DOCK3: variants seen among roughly 807,000 people sequenced by gnomAD.
DOCK3 encodes the protein dedicator of cytokinesis protein 3.
A neutral mutation model predicts 265.6 loss-of-function variants in DOCK3; 60 were observed. The ratio of observed to expected loss-of-function variants is 0.23; its 90% CI spans 0.18 to 0.28. DOCK3 has a LOEUF of 0.28. Among genes scored for constraint, DOCK3 ranks in the 10% least tolerant of loss-of-function variants. DOCK3 has a pLI of 1.00. For missense variants in DOCK3, 1,981 were observed against 2,594.3 expected (o/e 0.76, Z 5.14); for synonymous variants, 881 against 938.0 (o/e 0.94, Z 1.11).
At chr3:50,692,889 C>A (rs1000963043) in intron 1 of DOCK3, among the ~76,000 whole-genome samples, 1 of 151,988 alleles carries the variant, frequency 6.6e-6, no homozygotes, top group Non-Finnish European at 1.5e-5. Flanking sequence ...AGGCTTTGAT[C>A]CATTTTGAGT....
At chr3:50,875,944 C>T (rs897405572) in intron 3 of DOCK3, among the ~76,000 whole-genome samples, 7 of 151,276 alleles carry the variant, frequency 4.6e-5, no homozygotes, top group Non-Finnish European at 7.4e-5. Context: ...ATATATTGAA[C>T]AAGAACAGAG....
At chr3:50,960,008 A>G (rs963657792) in intron 5 of DOCK3, among the ~76,000 whole-genome samples, 3 of 152,218 alleles carry the variant, frequency 2.0e-5, no homozygotes, top group East Asian at 1.9e-4. Context: ...TTTACTTAGC[A>G]TAATGTTTTT....
intron 4 of DOCK3, among the ~76,000 whole-genome samples, chr3:50,914,334 T>A (rs1453326659): frequency 6.6e-6 from 1 of 152,104 alleles, no homozygotes; most frequent in East Asian, 1.9e-4. Context: ...TTGGCATTGA[T>A]TTCTATAAAC....
chr3:50,841,744 T>TTTTTTTTTTTTTTTTTTGAGACGG, intron 3 of DOCK3, 29 bp downstream of exon 3: 2 of 520,334 alleles, frequency 3.8e-6, no homozygotes, highest in Non-Finnish European at 6.2e-6. Flanking sequence ...TTACCTTTTC[T>TTTTTTTTTTTTTTTTTTGAGACGG]AATGTAGGAA....
intron 4 of DOCK3, among the ~76,000 whole-genome samples, chr3:50,910,341 C>G (rs1397380768): frequency 1.3e-5 from 2 of 152,062 alleles, no homozygotes; most frequent in South Asian, 4.1e-4. Flanking sequence ...TCCTTACACT[C>G]TAGGCAGTGC....
At chr3:51,163,089 A>G (rs2086213917) in intron 12 of DOCK3, among the ~76,000 whole-genome samples, 1 of 152,212 alleles carries the variant, frequency 6.6e-6, no homozygotes, top group Non-Finnish European at 1.5e-5. Flanking sequence ...ATTTTCCAGT[A>G]AGTTTCAGGC....
At chr3:51,238,769 T>G (rs2078461821) in intron 21 of DOCK3, among the ~76,000 whole-genome samples, 1 of 152,188 alleles carries the variant, frequency 6.6e-6, no homozygotes, top group Non-Finnish European at 1.5e-5. Flanking sequence ...TTCATCCATG[T>G]TTCTGCAAAA....
At chr3:51,168,571 C>G (rs1047282810) in intron 12 of DOCK3, among the ~76,000 whole-genome samples, 3 of 152,168 alleles carry the variant, frequency 2.0e-5, no homozygotes, top group African/African-American at 7.2e-5. Flanking sequence ...CCCTTCCTTA[C>G]ACCATATACA....
In DOCK3 at chr3:50,955,374, C is replaced by T. The variant is rs139060725; in HGVS notation, c.315+21297C>T. 1.6e-3 allele frequency among the ~76,000 whole-genome samples: 244 copies of T among 152,214 alleles called. 2 individuals carry two copies. The highest frequency in any genetic ancestry group is 5.5e-3 in the African/African-American group (230 of 41,522). On this transcript the variant is annotated intron_variant, in intron 5 of 52. Coordinates refer to ENST00000266037, the MANE Select transcript of DOCK3 (RefSeq NM_004947.5). ...AATACAAGTTTTTCTGCCATAAAGA[C>T]ACATGCACACAAATGTTCATTGCAG...
chr3:51,045,733 A>C (rs955983614), intron 5 of DOCK3, among the ~76,000 whole-genome samples: 3 of 152,144 alleles, frequency 2.0e-5, no homozygotes, highest in Non-Finnish European at 4.4e-5. Context: ...TTGTTTGTAG[A>C]ATTTCTTTAT....
intron 7 of DOCK3, among the ~76,000 whole-genome samples, chr3:51,082,912 G>A (rs995530708): frequency 6.6e-6 from 1 of 152,142 alleles, no homozygotes; most frequent in Non-Finnish European, 1.5e-5. Context: ...TGTTGCCTGT[G>A]TACTAAGGGA....
intron 4 of DOCK3, among the ~76,000 whole-genome samples, chr3:50,921,249 C>A (rs1376557010): frequency 4.6e-5 from 7 of 152,242 alleles, no homozygotes; most frequent in South Asian, 4.2e-4. Context: ...TTGTTCATTT[C>A]TTTTTACTCT....
intron 5 of DOCK3, among the ~76,000 whole-genome samples, chr3:50,990,127 C>T (rs1345860190): frequency 6.6e-6 from 1 of 151,874 alleles, no homozygotes; most frequent in African/African-American, 2.4e-5. Context: ...GATGAATGAA[C>T]AAAACCCCCC....
chr3:50,944,682 G>C (rs2076381944), intron 5 of DOCK3, among the ~76,000 whole-genome samples: 1 of 152,160 alleles, frequency 6.6e-6, no homozygotes, highest in South Asian at 2.1e-4. Flanking sequence ...TTGTAGGCGG[G>C]GCATGGTGGC....
chr3:51,225,510 C>A, intron 14 of DOCK3, 139 bp from the exon 15 acceptor site: 1 of 1,328,248 alleles, frequency 7.5e-7, no homozygotes, highest in Non-Finnish European at 1.0e-6. Flanking sequence ...GGTAGAATGT[C>A]CATCATTATT....
intron 49 of DOCK3, among the ~76,000 whole-genome samples, chr3:51,370,452 C>CAGAT (rs1191615002): frequency 6.6e-6 from 1 of 152,202 alleles, no homozygotes; most frequent in Non-Finnish European, 1.5e-5. Flanking sequence ...TAGGCTGTTC[C>CAGAT]AGATACTTAG....
chr3:51,146,508 G>A, intron 9 of DOCK3, 41 bp from the exon 10 acceptor site: 1 of 1,547,124 alleles, frequency 6.5e-7, no homozygotes, highest in Non-Finnish European at 8.8e-7. Flanking sequence ...TCTGGAGTGT[G>A]TTACTCACAT....
At chr3:51,255,331 G>C (rs768687122) in intron 22 of DOCK3, among the ~76,000 whole-genome samples, 29 of 152,176 alleles carry the variant, frequency 1.9e-4, no homozygotes, top group Non-Finnish European at 4.1e-4. Context: ...TGGTGAATCT[G>C]ACAGTTATGT....
chr3:50,819,107 C>T (rs1158141144), intron 2 of DOCK3, among the ~76,000 whole-genome samples: 4 of 152,106 alleles, frequency 2.6e-5, no homozygotes. Flanking sequence ...CGTATAGCTC[C>T]CTGAAGCCAT....
Sources: gnomAD v4.1 joint callset for allele counts (sites outside exome capture counted in the v4.1 genomes callset) on GRCh38, gnomAD v4.1.1 for gene constraint, MANE v1.5 for transcripts, NCBI Gene and HGNC (gene_info 2026-07-23, HGNC 2026-07-21) for gene names.